The following FOCAD variants were observed in gnomAD, a reference collection of about 807,000 sequenced individuals.
FOCAD encodes KIAA1797.
A neutral mutation model predicts 225.6 loss-of-function variants in FOCAD; 198 were observed. The observed-to-expected ratio is 0.88, with a 90% CI of 0.78 to 0.99. The LOEUF is 0.99. FOCAD is among the 50% of genes least tolerant of loss of function. The pLI, the probability that FOCAD is intolerant of heterozygous loss-of-function variation, is 0.00. For synonymous variants in FOCAD, 897 were observed against 755.0 expected (o/e 1.19, Z -3.08); for missense variants, 2,713 against 2,123.6 (o/e 1.28, Z -5.46).
chr9:20,742,702 T>G (rs549984769), intron 5 of FOCAD, among the ~76,000 whole-genome samples: 16 of 152,366 alleles, frequency 1.1e-4, no homozygotes, highest in African/African-American at 3.8e-4. Context: ...CTTCACCGTG[T>G]GCAATTGTTA....
At chr9:20,898,477 G>C (rs1417570692) in intron 21 of FOCAD, among the ~76,000 whole-genome samples, 1 of 151,734 alleles carries the variant, frequency 6.6e-6, no homozygotes, top group East Asian at 1.9e-4. Flanking sequence ...ATATCCTCAA[G>C]ATCAGAGATT....
chr9:20,753,013 T>A (rs1232867348), intron 5 of FOCAD, among the ~76,000 whole-genome samples: 1 of 151,810 alleles, frequency 6.6e-6, no homozygotes, highest in African/African-American at 2.4e-5. Flanking sequence ...TGATTTTGTA[T>A]CCTGAGACTT....
chr9:20,964,904 T>C (rs1839123182), intron 35 of FOCAD, among the ~76,000 whole-genome samples: 1 of 152,148 alleles, frequency 6.6e-6, no homozygotes, highest in Non-Finnish European at 1.5e-5. Flanking sequence ...CTATACCTGT[T>C]GGCAGGAGGG....
chr9:20,719,292 A>G (rs915054122), intron 3 of FOCAD, among the ~76,000 whole-genome samples: 1 of 152,200 alleles, frequency 6.6e-6, no homozygotes, highest in African/African-American at 2.4e-5. Context: ...CATGTTGGCC[A>G]GGCTGGTCTC....
chr9:20,968,515 C>T (rs1043781484), intron 35 of FOCAD, among the ~76,000 whole-genome samples: 2 of 136,862 alleles, frequency 1.5e-5, no homozygotes, highest in African/African-American at 5.3e-5. Context: ...GATCTCAGCT[C>T]ACTGCAACCT....
In FOCAD at chr9:20,770,251, GTATAT is replaced by G; in HGVS notation, c.906+18_906+22del. The G allele has an allele frequency of 6.2e-7, 1 of 1,604,820 alleles. No homozygotes were observed. Among genetic ancestry groups the G allele is most frequent in the South Asian group, 1.1e-5 (1 of 90,812 alleles). On this transcript the variant is annotated intron_variant, in intron 8 of 43. Coordinates refer to ENST00000338382, the MANE Select transcript of FOCAD (RefSeq NM_001375567.1). ...ACTTCTGAAGGAGGTAAGGATAGTA[GTATAT>G]TATACTGTTCATGCATTGCTATTAA...
At chr9:20,974,612 T>C (rs1040604139) in intron 35 of FOCAD, among the ~76,000 whole-genome samples, 3 of 148,748 alleles carry the variant, frequency 2.0e-5, no homozygotes, top group African/African-American at 5.0e-5. Context: ...TTCTCCTTTT[T>C]CCTATGCTTC....
At chr9:20,683,653 T>G (rs1587209038), upstream of FOCAD, 1 of 152,160 alleles carries the variant, frequency 6.6e-6, no homozygotes, top group Non-Finnish European at 1.5e-5. Flanking sequence ...GCAGAAACAC[T>G]TGGGCTAGAA....
intron 15 of FOCAD, among the ~76,000 whole-genome samples, chr9:20,859,731 A>T (rs1342231479): frequency 6.8e-6 from 1 of 148,028 alleles, no homozygotes; most frequent in Non-Finnish European, 1.5e-5. Context: ...TATATATAAA[A>T]AGAAGTGAGC....
chr9:20,946,001 C>T (rs1404746385), intron 29 of FOCAD, among the ~76,000 whole-genome samples: 7 of 152,108 alleles, frequency 4.6e-5, no homozygotes, highest in South Asian at 2.1e-4. Flanking sequence ...AAAGTTACTA[C>T]GCTAGTAAAT....
chr9:20,956,711 C>T (rs1838165190), intron 35 of FOCAD, among the ~76,000 whole-genome samples: 1 of 151,980 alleles, frequency 6.6e-6, no homozygotes, highest in African/African-American at 2.4e-5. Context: ...TTTTTTGTTT[C>T]ATGAGGTTTG....
intron 7 of FOCAD, 42 bp downstream of exon 7, chr9:20,765,115 G>A: frequency 6.5e-7 from 1 of 1,540,126 alleles, no homozygotes; most frequent in South Asian, 1.2e-5. Flanking sequence ...GTCAGCATCA[G>A]TAAGTGTTGT....
At chr9:20,882,922 G>GT (rs1342988953) in intron 20 of FOCAD, among the ~76,000 whole-genome samples, 3 of 152,152 alleles carry the variant, frequency 2.0e-5, no homozygotes, top group Non-Finnish European at 4.4e-5. Flanking sequence ...TTAGTGGGGG[G>GT]TGTTGTGGGG....
chr9:20,895,248 A>G (rs1466801547), intron 21 of FOCAD, among the ~76,000 whole-genome samples: 1 of 151,966 alleles, frequency 6.6e-6, no homozygotes, highest in Non-Finnish European at 1.5e-5. Context: ...GGAGTTAGGT[A>G]TGTCAGTCCT....
In FOCAD at chr9:20,988,306, G is replaced by A. The variant is rs141182549; in HGVS notation, c.4907-26G>A. The A allele has an allele frequency of 6.7e-4, 965 of 1,440,414 alleles. 3 individuals carry two copies. In the African/African-American group the frequency reaches 0.012, roughly 18 times the overall value. The allele number at this position is 1,440,414 out of a possible 1,614,324, so 89.2% of individuals were successfully genotyped here. On this transcript the variant is annotated intron_variant, in intron 40 of 43. Coordinates refer to ENST00000338382, the MANE Select transcript of FOCAD (RefSeq NM_001375567.1). ...CATTTCAAAGGAAAACCATGGTCTAGTAAGAAAATACCCTTTTCATTTCAG... is the reference window on the plus strand; with the variant it reads ...CATTTCAAAGGAAAACCATGGTCTAATAAGAAAATACCCTTTTCATTTCAG...
chr9:20,744,052 C>G (rs1377983252), intron 5 of FOCAD, among the ~76,000 whole-genome samples: 1 of 152,098 alleles, frequency 6.6e-6, no homozygotes, highest in African/African-American at 2.4e-5. Flanking sequence ...GAGAGCAAGC[C>G]AACTTTGGAT....
chr9:20,752,756 G>A (rs1587018399), intron 5 of FOCAD, among the ~76,000 whole-genome samples: 1 of 152,100 alleles, frequency 6.6e-6, no homozygotes, highest in Non-Finnish European at 1.5e-5. Flanking sequence ...GGGCAGTATG[G>A]CCATTTTCAC....
rs767167249 is a variant in FOCAD, at chr9:20,820,964, G to A, written c.1686G>A (p.Gln562=). Residue 562 remains glutamine (Q), a synonymous_variant, in exon 14 of 44, where the codon CAG becomes CAA. Transcript: ENST00000338382. ...EKQDRVYPEL[Q]RFMAVSDVPS... ...AGGACCGAGTCTATCCTGAACTGCAGCGTTTCATGGCTGTGTCTGATGTAC... is the reference window on the plus strand; with the variant it reads ...AGGACCGAGTCTATCCTGAACTGCAACGTTTCATGGCTGTGTCTGATGTAC... 3.7e-6 allele frequency: 6 copies of A among 1,612,632 alleles called. No individual in the cohort carries two copies. In the Admixed American group the frequency reaches 8.3e-5, roughly 22 times the overall value.
chr9:20,897,963 C>G (rs1191771906), intron 21 of FOCAD, among the ~76,000 whole-genome samples: 3 of 151,742 alleles, frequency 2.0e-5, no homozygotes, highest in Non-Finnish European at 2.9e-5. Context: ...CTTGTCTGAG[C>G]AAGGCTTTAT....
Sources: allele counts gnomAD v4.1 joint callset (sites outside exome capture counted in the v4.1 genomes callset), GRCh38; gene constraint gnomAD v4.1.1; transcripts MANE v1.5; gene names NCBI Gene and HGNC (gene_info 2026-07-23, HGNC 2026-07-21).